COL14A1: variants seen among roughly 807,000 people sequenced by gnomAD.
COL14A1 encodes the protein collagen type XIV alpha 1 chain.
A neutral mutation model predicts 230.3 loss-of-function variants in COL14A1; 136 were observed. The observed-to-expected ratio is 0.59, with a 90% CI of 0.51 to 0.68. COL14A1 has a LOEUF of 0.68. Ranked by LOEUF, COL14A1 falls within the 30% of genes least tolerant of loss-of-function variation. The probability of loss-of-function intolerance (pLI) is 0.00; values close to 1 mark genes in which losing one functional copy is unlikely to be tolerated. For synonymous variants in COL14A1, 792 were observed against 784.1 expected (o/e 1.01, Z -0.17); for missense variants, 1,976 against 2,215.8 (o/e 0.89, Z 2.17).
Position 120,337,527 on chromosome 8 carries a change from G to T in COL14A1, c.4786-3798G>T, listed in dbSNP as rs148474152. 1.1e-4 allele frequency among the ~76,000 whole-genome samples: 16 copies of T among 152,252 alleles called. No homozygotes were observed. The East Asian group carries it at 2.9e-3, about 28-fold the overall frequency. Reference sequence around the variant, plus strand: ...ATAGATTAGGGGTCAGGTCATGGAAGACGTTTCAAGCCAGCCTAAGATGTT... The same window carrying T: ...ATAGATTAGGGGTCAGGTCATGGAATACGTTTCAAGCCAGCCTAAGATGTT... On this transcript the variant is annotated intron_variant, in intron 42 of 47. Transcript: ENST00000297848.
intron 21 of COL14A1, among the ~76,000 whole-genome samples, chr8:120,248,770 G>A (rs895411590): frequency 6.6e-6 from 1 of 152,002 alleles, no homozygotes; most frequent in Admixed American, 6.6e-5. Context: ...TGGGAAAATT[G>A]CCTGAGCCAG....
chr8:120,290,345 CT>C (rs1245283660), intron 34 of COL14A1, among the ~76,000 whole-genome samples: 2 of 152,198 alleles, frequency 1.3e-5, no homozygotes, highest in East Asian at 3.9e-4. Flanking sequence ...GAATTTAAAT[CT>C]GAGAGACTTC....
At chr8:120,170,542 T>A (rs546407047) in intron 5 of COL14A1, among the ~76,000 whole-genome samples, 1 of 152,172 alleles carries the variant, frequency 6.6e-6, no homozygotes, top group South Asian at 2.1e-4. Flanking sequence ...TTTGTTGAGG[T>A]ATTTTATTAC....
chr8:120,159,288 AATAAAT>A (rs1815581364), intron 3 of COL14A1, among the ~76,000 whole-genome samples: 1 of 152,180 alleles, frequency 6.6e-6, no homozygotes, highest in African/African-American at 2.4e-5. Context: ...TGAAGACTAA[AATAAAT>A]ATAAAGCCCT....
chr8:120,286,043 A>T lies in COL14A1; in HGVS notation c.4077+73A>T, dbSNP rs1011388272. On this transcript the variant is annotated intron_variant, in intron 33 of 47. Transcript: ENST00000297848. ...AACAAAGCCATTTAAAAACAATTCC[A>T]TAGGGCTTTGGATCTCAAATTTCAG... 1.1e-5 allele frequency: 10 copies of T among 874,162 alleles called. No homozygotes were observed. In the African/African-American group the frequency reaches 1.5e-4, roughly 13 times the overall value. The allele number at this position is 874,162 out of a possible 1,614,324, so 54.2% of individuals were successfully genotyped here. A position where few individuals can be genotyped will look rare whatever the true frequency, so the allele number is the denominator to read the frequency against.
chr8:120,305,171 G>C (rs1820821902), intron 36 of COL14A1, among the ~76,000 whole-genome samples: 1 of 152,006 alleles, frequency 6.6e-6, no homozygotes, highest in Non-Finnish European at 1.5e-5. Context: ...GTAGAGATGG[G>C]GTTTCTCCAT....
At chr8:120,217,030 G>C (rs1029332725) in intron 14 of COL14A1, among the ~76,000 whole-genome samples, 8 of 152,162 alleles carry the variant, frequency 5.3e-5, no homozygotes, top group Non-Finnish European at 8.8e-5. Flanking sequence ...TCCTACCTAT[G>C]GTGGGAGACA....
intron 40 of COL14A1, among the ~76,000 whole-genome samples, chr8:120,326,732 G>A (rs975371888): frequency 3.9e-5 from 6 of 151,946 alleles, no homozygotes; most frequent in Non-Finnish European, 5.9e-5. Context: ...ACTTAAAAAC[G>A]CCTTTGTTCT....
intron 5 of COL14A1, among the ~76,000 whole-genome samples, chr8:120,172,609 C>T (rs1485209498): frequency 6.6e-6 from 1 of 152,122 alleles, no homozygotes; most frequent in East Asian, 1.9e-4. Flanking sequence ...TTGCTACTAA[C>T]CTGGAAATCC....
chr8:120,319,094 GC>G (rs1821343098), intron 40 of COL14A1, among the ~76,000 whole-genome samples: 1 of 152,094 alleles, frequency 6.6e-6, no homozygotes, highest in Non-Finnish European at 1.5e-5. Context: ...GGAGTGGTGG[GC>G]TATTCCTTAC....
In COL14A1 at chr8:120,208,366, GTATTTAATTCTACCCCACTTCTAACT is replaced by G; in HGVS notation, c.1321+7_1321+32del. On this transcript the variant is annotated splice_donor_region_variant and intron_variant, in intron 11 of 47. Coordinates refer to ENST00000297848, the MANE Select transcript of COL14A1 (RefSeq NM_021110.4). The stretch of plus-strand genomic sequence containing the variant: ...TACGGGGAACTGAAACTACACGTAT[GTATTTAATTCTACCCCACTTCTAACT>G]TTGTAGAGTGCTGCTTAGGAGGCCT... 1 of 1,611,626 alleles carries G rather than the reference GTATTTAATTCTACCCCACTTCTAACT, an allele frequency of 6.2e-7. No homozygotes were observed. Among genetic ancestry groups the G allele is most frequent in the Non-Finnish European group, 8.5e-7 (1 of 1,178,748 alleles).
chr8:120,317,022 A>G (rs141456366), intron 40 of COL14A1, among the ~76,000 whole-genome samples: 73 of 152,328 alleles, frequency 4.8e-4, no homozygotes, highest in African/African-American at 1.7e-3. Flanking sequence ...ATAGGTAGTC[A>G]TTAAATTTTC....
At position 120,203,801 on chromosome 8, in the gene COL14A1, C is replaced by T. The variant is rs1255396036; in HGVS notation, c.970C>T (p.His324Tyr). Residue 324 changes from histidine (H) to tyrosine (Y), a missense_variant, in exon 9 of 48, where the codon CAC becomes TAC. Around this residue, in one of 3 missense-constraint regions of COL14A1, gnomAD observed 1,791 missense variants for 2,019.5 expected, o/e 0.89. Coordinates refer to ENST00000297848, the MANE Select transcript of COL14A1 (RefSeq NM_021110.4). ...CAATGTTGCCGAATTCGATCTGATG[C>T]ACACAGTTGTGGAGAGTCTGACCAG... is the stretch of plus-strand genomic sequence containing the variant. ...VYNVAEFDLMHTVVESLTRTL... is the reference protein window; with the variant it reads ...VYNVAEFDLMYTVVESLTRTL... The T allele has an allele frequency of 1.2e-6, 2 of 1,613,944 alleles. No homozygotes were observed. The highest frequency in any genetic ancestry group is 1.7e-5 in the Admixed American group (1 of 59,996).
chr8:120,370,517 T>G, intron 47 of COL14A1: 1 of 1,486,702 alleles, frequency 6.7e-7, no homozygotes, highest in Non-Finnish European at 8.9e-7. Flanking sequence ...CCTTCCCACT[T>G]TCAAACCTCT....
In COL14A1 at chr8:120,254,930, T is replaced by C. The variant is rs529761802; in HGVS notation, c.2753-310T>C. Reference sequence around the variant, plus strand: ...TTGCTGGAGCCCAGGAGGTTGAGGTTACAGTGAGATGAGATCATGCCACTG... The same window carrying C: ...TTGCTGGAGCCCAGGAGGTTGAGGTCACAGTGAGATGAGATCATGCCACTG... On this transcript the variant is annotated intron_variant, in intron 22 of 47. Coordinates refer to ENST00000297848, the MANE Select transcript of COL14A1 (RefSeq NM_021110.4). 1.6e-4 allele frequency among the ~76,000 whole-genome samples: 24 copies of C among 152,020 alleles called. No individual in the cohort carries two copies. The South Asian group carries it at 5.0e-3, about 32-fold the overall frequency.
At chr8:120,165,296 T>A (rs551607980) in intron 4 of COL14A1, among the ~76,000 whole-genome samples, 1 of 152,386 alleles carries the variant, frequency 6.6e-6, no homozygotes, top group East Asian at 1.9e-4. Context: ...TAAAGCCTTG[T>A]GGCTATAGGT....
chr8:120,184,913 G>C (rs999520094), intron 5 of COL14A1, among the ~76,000 whole-genome samples: 2 of 152,170 alleles, frequency 1.3e-5, no homozygotes, highest in African/African-American at 4.8e-5. Context: ...AAATCAGTCA[G>C]AAATACTCTC....
chr8:120,208,442 G>C, intron 11 of COL14A1, 81 bp downstream of exon 11: 1 of 1,462,990 alleles, frequency 6.8e-7, no homozygotes, highest in Non-Finnish European at 9.3e-7. Context: ...TTCTGCTCAG[G>C]TCATGTTGAT....
intron 5 of COL14A1, among the ~76,000 whole-genome samples, chr8:120,180,081 AC>A (rs1816414306): frequency 6.6e-6 from 1 of 152,194 alleles, no homozygotes; most frequent in African/African-American, 2.4e-5. Flanking sequence ...AAGACCTGAA[AC>A]CATAAAAACA....
Sources: gnomAD v4.1 joint callset for allele counts (sites outside exome capture counted in the v4.1 genomes callset) on GRCh38, gnomAD v4.1.1 for gene constraint, gnomAD v4.1.1 regional missense constraint, MANE v1.5 for transcripts, NCBI Gene and HGNC (gene_info 2026-07-23, HGNC 2026-07-21) for gene names.